The following AKAP19 variants were observed in gnomAD, a reference collection of about 807,000 sequenced individuals.
The protein encoded by AKAP19 is small A-kinase anchoring protein.
At chr2:190,183,629 A>G in the AKAP19 span, among the ~76,000 whole-genome samples, 1 of 152,150 alleles carries the variant, frequency 6.6e-6, no homozygotes, top group African/African-American at 2.4e-5. Context: ...AATTTTGAAT[A>G]TTAAAAATAA....
the AKAP19 span, among the ~76,000 whole-genome samples, chr2:190,175,149 G>A: frequency 6.6e-6 from 1 of 152,004 alleles, no homozygotes; most frequent in Admixed American, 6.5e-5. Flanking sequence ...ACCTCTTTGG[G>A]GATTGTTAAA....
chr2:190,145,313 T>C, the AKAP19 span, among the ~76,000 whole-genome samples: 23 of 152,162 alleles, frequency 1.5e-4, no homozygotes, highest in Non-Finnish European at 2.2e-4. Context: ...CCTTTTTCTT[T>C]TTTGCAGATG....
At chr2:190,038,901 T>TTTCTTTCTTCTTCTTCTTC in the AKAP19 span, among the ~76,000 whole-genome samples, 58 of 46,014 alleles carry the variant, frequency 1.3e-3, no homozygotes, top group Admixed American at 2.6e-3. Context: ...TCTTTCTTTC[T>TTTCTTTCTTCTTCTTCTTC]TTCTTCTTCT....
At chr2:189,927,814 A>G in the AKAP19 span, among the ~76,000 whole-genome samples, 2 of 152,176 alleles carry the variant, frequency 1.3e-5, no homozygotes, top group African/African-American at 4.8e-5. Context: ...GGCTATTTAA[A>G]TAAATTAAAT....
chr2:189,965,124 T>C, the AKAP19 span, among the ~76,000 whole-genome samples: 1 of 152,126 alleles, frequency 6.6e-6, no homozygotes, highest in Non-Finnish European at 1.5e-5. Context: ...TGGCCTAATA[T>C]CAATATTGTT....
the AKAP19 span, among the ~76,000 whole-genome samples, chr2:190,113,350 T>C: frequency 6.6e-6 from 1 of 152,210 alleles, no homozygotes; most frequent in African/African-American, 2.4e-5. Flanking sequence ...TTTATGTGTG[T>C]GTGTGTTAAT....
At chr2:189,888,782 C>T in the AKAP19 span, among the ~76,000 whole-genome samples, 1 of 152,176 alleles carries the variant, frequency 6.6e-6, no homozygotes, top group African/African-American at 2.4e-5. Flanking sequence ...GATTTTTGCA[C>T]ATTGATTTTG....
the AKAP19 span, among the ~76,000 whole-genome samples, chr2:190,026,670 A>G: frequency 5.9e-5 from 9 of 152,158 alleles, no homozygotes; most frequent in Admixed American, 5.9e-4. Context: ...TCTACCAGAA[A>G]TCAGTTGGCA....
the AKAP19 span, among the ~76,000 whole-genome samples, chr2:190,021,985 A>G: frequency 0.29 from 43,815 of 152,066 alleles, 7,438 homozygotes; most frequent in African/African-American, 0.48. Context: ...TCCCAAAGCA[A>G]CAAATGGCAT....
At chr2:190,073,133 G>A in the AKAP19 span, among the ~76,000 whole-genome samples, 1 of 152,076 alleles carries the variant, frequency 6.6e-6, no homozygotes, top group Non-Finnish European at 1.5e-5. Context: ...GAGGGAGAAA[G>A]ATAAATGGTT....
the AKAP19 span, among the ~76,000 whole-genome samples, chr2:189,976,563 C>A: frequency 6.6e-6 from 1 of 152,260 alleles, no homozygotes; most frequent in Non-Finnish European, 1.5e-5. Flanking sequence ...TGGCCATCTC[C>A]TGCCCCCTGA....
chr2:189,880,866 A>C, the AKAP19 span, among the ~76,000 whole-genome samples: 2 of 152,224 alleles, frequency 1.3e-5, no homozygotes, highest in Non-Finnish European at 2.9e-5. Context: ...TGATACTAAA[A>C]TATTTAAATG....
the AKAP19 span, among the ~76,000 whole-genome samples, chr2:189,985,898 C>T: frequency 0.011 from 1,737 of 152,052 alleles, 31 homozygotes; most frequent in African/African-American, 0.04. Context: ...TAAATCTAAA[C>T]AAACATTGTA....
the AKAP19 span, among the ~76,000 whole-genome samples, chr2:189,898,828 T>A: frequency 6.6e-6 from 1 of 152,228 alleles, no homozygotes; most frequent in Non-Finnish European, 1.5e-5. Context: ...ATATCCCATA[T>A]TGCAACGAAA....
chr2:190,093,578 T>G, the AKAP19 span, among the ~76,000 whole-genome samples: 2 of 152,224 alleles, frequency 1.3e-5, no homozygotes, highest in African/African-American at 2.4e-5. Context: ...TAAAGATTTG[T>G]ACTCTTGGCC....
the AKAP19 span, among the ~76,000 whole-genome samples, chr2:190,024,085 T>C: frequency 6.6e-6 from 1 of 151,876 alleles, no homozygotes; most frequent in Non-Finnish European, 1.5e-5. Context: ...GTATTTATGT[T>C]ATGCAAATGC....
chr2:189,926,494 G>A, the AKAP19 span, among the ~76,000 whole-genome samples: 5 of 151,190 alleles, frequency 3.3e-5, no homozygotes, highest in African/African-American at 9.7e-5. Context: ...CACTGTGTTA[G>A]CCAGGGTGGT....
At chr2:190,140,286 G>A in the AKAP19 span, among the ~76,000 whole-genome samples, 1 of 152,124 alleles carries the variant, frequency 6.6e-6, no homozygotes, top group South Asian at 2.1e-4. Context: ...AGCTCTCTGT[G>A]GATCTACCAT....
chr2:190,144,264 T>C, the AKAP19 span, among the ~76,000 whole-genome samples: 58 of 133,194 alleles, frequency 4.4e-4, 1 homozygote, highest in Non-Finnish European at 1.1e-4. Context: ...AAAAAAAGAG[T>C]TTTTGAGTTC....
Sources: gnomAD v4.1 joint callset for allele counts (sites outside exome capture counted in the v4.1 genomes callset) on GRCh38, gnomAD v4.1.1 for gene constraint, MANE v1.5 for transcripts, NCBI Gene and HGNC (gene_info 2026-07-23, HGNC 2026-07-21) for gene names.